The following REEP1 variants were observed in gnomAD, a reference collection of about 807,000 sequenced individuals.
REEP1 encodes the protein receptor expression-enhancing protein 1.
In REEP1, 22 loss-of-function variants were observed where a neutral mutation model predicts 40.3. That is an observed-to-expected ratio of 0.55 (90% CI 0.39 to 0.78). REEP1 has a LOEUF of 0.78. Ranked by LOEUF, REEP1 falls within the 30% of genes least tolerant of loss-of-function variation. REEP1 has a pLI of 0.00. For missense variants in REEP1, 280 were observed against 361.1 expected (o/e 0.78, Z 1.82); for synonymous variants, 116 against 139.2 (o/e 0.83, Z 1.17).
At position 86,216,278 on chromosome 2, in the gene REEP1, C is replaced by T. The variant is rs1017632539; in HGVS notation, c.*761G>A. 6.6e-6 allele frequency: 1 copy of T among 152,186 alleles called. No individual in the cohort carries two copies. Among genetic ancestry groups the T allele is most frequent in the Non-Finnish European group, 1.5e-5 (1 of 68,036 alleles). 9.4% of individuals were successfully genotyped at this position (152,186 alleles called of 1,614,324 possible). A position where few individuals can be genotyped will look rare whatever the true frequency, so the allele number is the denominator to read the frequency against. ...AGAATCCAGGGAGGAGATGAGCTTC[C>T]TGTGACTCTTCTCTTTTACTGGGAT... On this transcript the variant is annotated 3_prime_UTR_variant, in exon 9 of 9. Transcript: ENST00000538924.
chr2:86,334,522 C>T (rs1680920638), intron 1 of REEP1, among the ~76,000 whole-genome samples: 1 of 152,174 alleles, frequency 6.6e-6, no homozygotes, highest in Non-Finnish European at 1.5e-5. Flanking sequence ...AGCCTGTTTT[C>T]TTCACCAGCT....
At chr2:86,267,280 G>A (rs994865607) in intron 2 of REEP1, among the ~76,000 whole-genome samples, 8 of 152,162 alleles carry the variant, frequency 5.3e-5, no homozygotes, top group African/African-American at 1.9e-4. Context: ...TGGTGAGTGA[G>A]TTCTCACAAG....
At position 86,329,250 on chromosome 2, in the gene REEP1, G is replaced by A. The variant is rs536740296; in HGVS notation, c.32+8229C>T. Among the ~76,000 whole-genome samples, 22 of 152,364 alleles carry A rather than the reference G, an allele frequency of 1.4e-4. No individual in the cohort carries two copies. The South Asian group carries it at 4.6e-3, about 32-fold the overall frequency. ...TTTTTATGGATACAGGATGCGGGGT[G>A]TGGCGAGCCAGAGTGGTTTTGGAAA... On this transcript the variant is annotated intron_variant, in intron 1 of 8. Transcript: ENST00000538924.
rs1193759295 is a variant in REEP1, at chr2:86,216,773, A to G, written c.*266T>C. Reference sequence around the variant, plus strand: ...ACACTGCTGTCTATAATGACAATCCAATTGTGGAAAATTACCAACCTCAGA... The same window carrying G: ...ACACTGCTGTCTATAATGACAATCCGATTGTGGAAAATTACCAACCTCAGA... On this transcript the variant is annotated 3_prime_UTR_variant, in exon 9 of 9. Coordinates refer to ENST00000538924, the MANE Select transcript of REEP1 (RefSeq NM_001371279.1). The G allele has an allele frequency of 4.5e-6, 2 of 448,826 alleles. No homozygotes were observed. Among genetic ancestry groups the G allele is most frequent in the Admixed American group, 7.0e-5 (2 of 28,396 alleles). The allele number at this position is 448,826 out of a possible 1,614,324, so 27.8% of individuals were successfully genotyped here.
intron 5 of REEP1, among the ~76,000 whole-genome samples, chr2:86,236,525 T>G (rs1675331063): frequency 6.6e-6 from 1 of 152,136 alleles, no homozygotes; most frequent in Non-Finnish European, 1.5e-5. Flanking sequence ...CTAAAAGCTC[T>G]GAGAAGGCCC....
chr2:86,258,275 C>A (rs1254596162), intron 3 of REEP1, among the ~76,000 whole-genome samples: 1 of 152,186 alleles, frequency 6.6e-6, no homozygotes, highest in Non-Finnish European at 1.5e-5. Context: ...GCCCATGGGC[C>A]AAATCCAGCT....
At chr2:86,331,852 T>G (rs11675985) in intron 1 of REEP1, among the ~76,000 whole-genome samples, 24,805 of 152,114 alleles carry the variant, frequency 0.16, 3,227 homozygotes, top group African/African-American at 0.36. Flanking sequence ...CCATCTTCCC[T>G]GCATAAAGCA....
intron 1 of REEP1, among the ~76,000 whole-genome samples, chr2:86,317,938 T>C (rs1680096333): frequency 6.6e-6 from 1 of 152,208 alleles, no homozygotes; most frequent in Non-Finnish European, 1.5e-5. Flanking sequence ...CTGGGTATCT[T>C]GTAATCCTTT....
chr2:86,313,711 C>T (rs1276615025), intron 1 of REEP1, among the ~76,000 whole-genome samples: 1 of 152,146 alleles, frequency 6.6e-6, no homozygotes, highest in East Asian at 1.9e-4. Context: ...AAGGGCCAGG[C>T]CAGTGATGGA....
At chr2:86,297,582 G>T in intron 1 of REEP1, 1 of 420,860 alleles carries the variant, frequency 2.4e-6, no homozygotes, top group Non-Finnish European at 3.2e-6. Context: ...AAGATGCAGG[G>T]ATGCCACCTA....
chr2:86,248,515 A>C (rs919936778), intron 5 of REEP1, among the ~76,000 whole-genome samples: 14 of 152,042 alleles, frequency 9.2e-5, no homozygotes, highest in Non-Finnish European at 1.8e-4. Context: ...TGGCGTGATC[A>C]TGGTTCACTG....
intron 2 of REEP1, among the ~76,000 whole-genome samples, chr2:86,281,321 T>G (rs1678072400): frequency 2.0e-5 from 3 of 152,192 alleles, no homozygotes; most frequent in Admixed American, 2.0e-4. Flanking sequence ...GCTCACCTTC[T>G]GCAATGTGCT....
chr2:86,254,578 G>T, intron 4 of REEP1, 116 bp downstream of exon 4: 1 of 1,103,654 alleles, frequency 9.1e-7, no homozygotes. Flanking sequence ...GGAATGACTT[G>T]CTGGAGGCAA....
chr2:86,282,238 T>C lies in REEP1; in HGVS notation c.37A>G (p.Ile13Val). ...TACGCAGGGTAAAGGGTGCCAAATA[T>C]AAGCCTGGAGGGAAGAGAGACAAAA... ...SWIISRLVVLIFGTLYPAYYS... is the reference protein window; with the variant it reads ...SWIISRLVVLVFGTLYPAYYS... The change falls in exon 2 of 9, where the codon ATA (isoleucine) becomes GTA (valine). Residue 13 changes from isoleucine (I) to valine (V), a missense_variant. Ile to Val is a conservative substitution (Grantham distance 29). Transcript: ENST00000538924. The C allele has an allele frequency of 1.9e-6, 3 of 1,604,016 alleles. No individual in the cohort carries two copies. Among genetic ancestry groups the C allele is most frequent in the Non-Finnish European group, 2.6e-6 (3 of 1,170,850 alleles).
chr2:86,245,248 T>C (rs1257020020), intron 5 of REEP1, among the ~76,000 whole-genome samples: 1 of 152,104 alleles, frequency 6.6e-6, no homozygotes, highest in Admixed American at 6.6e-5. Flanking sequence ...GCCACAAAAA[T>C]ATGGGACAAT....
intron 5 of REEP1, among the ~76,000 whole-genome samples, chr2:86,237,258 C>T (rs1675411234): frequency 6.6e-6 from 1 of 152,208 alleles, no homozygotes; most frequent in African/African-American, 2.4e-5. Flanking sequence ...ACATATCTCA[C>T]TGACACTTTC....
chr2:86,216,896 G>T lies in REEP1; in HGVS notation c.*143C>A. The T allele has an allele frequency of 1.5e-6, 1 of 674,750 alleles. No homozygotes were observed. The highest frequency in any genetic ancestry group is 2.6e-6 in the Non-Finnish European group (1 of 384,790). 41.8% of individuals were successfully genotyped at this position (674,750 alleles called of 1,614,324 possible). The stretch of plus-strand genomic sequence containing the variant: ...GGGAAAAAAATAAATCCTTAAAAGT[G>T]GAAGGGGAGAGAGAAAAGGCCATGT... On this transcript the variant is annotated 3_prime_UTR_variant, in exon 9 of 9. Coordinates refer to ENST00000538924, the MANE Select transcript of REEP1 (RefSeq NM_001371279.1).
chr2:86,325,853 T>C (rs562916924), intron 1 of REEP1, among the ~76,000 whole-genome samples: 8 of 152,200 alleles, frequency 5.3e-5, no homozygotes, highest in Non-Finnish European at 1.0e-4. Flanking sequence ...GCAGCAATCA[T>C]AGACTAAAAC....
At position 86,244,560 on chromosome 2, in the gene REEP1, C is replaced by T. The variant is rs544004507; in HGVS notation, c.417+7397G>A. Among the ~76,000 whole-genome samples, 6 of 152,170 alleles carry T rather than the reference C, an allele frequency of 3.9e-5. 1 individual carries two copies. The highest frequency in any genetic ancestry group is 9.6e-5 in the African/African-American group (4 of 41,520). ...GAAAGCAGAGGTCATGGTGTGAAAG[C>T]GGGCCAGACCAGTAAAGAGGAAGAA... is the stretch of plus-strand genomic sequence containing the variant. On this transcript the variant is annotated intron_variant, in intron 5 of 8. Coordinates refer to ENST00000538924, the MANE Select transcript of REEP1 (RefSeq NM_001371279.1).
Sources: allele counts gnomAD v4.1 joint callset (sites outside exome capture counted in the v4.1 genomes callset), GRCh38; gene constraint gnomAD v4.1.1; transcripts MANE v1.5; gene names NCBI Gene and HGNC (gene_info 2026-07-23, HGNC 2026-07-21).